The following MSI2 variants were observed in gnomAD, a reference collection of about 807,000 sequenced individuals.
MSI2 encodes the protein RNA-binding protein Musashi homolog 2.
In MSI2, 17 loss-of-function variants were observed where a neutral mutation model predicts 45.6. The observed-to-expected ratio is 0.37, with a 90% CI of 0.26 to 0.56. The LOEUF (loss-of-function observed/expected upper bound fraction) is 0.56, where lower values mean the gene tolerates loss of function less well. MSI2 is among the 20% of genes least tolerant of loss of function. MSI2 has a pLI of 0.77. For missense variants in MSI2, 293 were observed against 444.2 expected (o/e 0.66, Z 3.06); for synonymous variants, 156 against 158.2 (o/e 0.99, Z 0.11).
At chr17:57,625,089 C>T (rs1908674556) in intron 9 of MSI2, among the ~76,000 whole-genome samples, 1 of 152,112 alleles carries the variant, frequency 6.6e-6, no homozygotes, top group African/African-American at 2.4e-5. Context: ...GTTAAGGGCA[C>T]ATTCATGAGG....
chr17:57,386,366 G>A (rs555910714), intron 5 of MSI2, among the ~76,000 whole-genome samples: 13 of 152,246 alleles, frequency 8.5e-5, no homozygotes, highest in African/African-American at 2.9e-4. Context: ...AGTGAGGAGT[G>A]TTTGGGATTA....
intron 6 of MSI2, among the ~76,000 whole-genome samples, chr17:57,487,680 A>G (rs1467728956): frequency 6.6e-6 from 1 of 151,674 alleles, no homozygotes; most frequent in Non-Finnish European, 1.5e-5. Context: ...TGCACTCTCC[A>G]TGCCTCTGCC....
At position 57,495,548 on chromosome 17, in the gene MSI2, A is replaced by AG. The variant is rs1555613512; in HGVS notation, c.406-34128_406-34127insG. ...ACTCTGTCTCAAAAAAAAAAAAAAA[A>AG]AAAAGAAAGCTTTACTTGGCTTCTC... On this transcript the variant is annotated intron_variant, in intron 6 of 13. Transcript: ENST00000284073. Among the ~76,000 whole-genome samples the AG allele has an allele frequency of 3.3e-3, 481 of 145,372 alleles. 11 individuals are homozygous for AG. The highest frequency in any genetic ancestry group is 0.012 in the African/African-American group (451 of 36,990).
At chr17:57,694,835 A>C in the MSI2 span, among the ~76,000 whole-genome samples, 1 of 152,120 alleles carries the variant, frequency 6.6e-6, no homozygotes, top group African/African-American at 2.4e-5. Flanking sequence ...TGGTTGCTTA[A>C]CTCACCCCTG....
chr17:57,408,403 A>C (rs2084124355), intron 6 of MSI2, among the ~76,000 whole-genome samples: 1 of 152,258 alleles, frequency 6.6e-6, no homozygotes, highest in African/African-American at 2.4e-5. Flanking sequence ...ATCAAATGCC[A>C]TGTGCATTTG....
rs980602476 is a variant in MSI2 at position 57,315,321 on chromosome 17, A to G, written c.312+53129A>G. ...CACAGGCCCAGCTGATTTGCCTGTC[A>G]TTGGGGGTGAGGGCTCTGATTTGAG... is the stretch of plus-strand genomic sequence containing the variant. On this transcript the variant is annotated intron_variant, in intron 5 of 13. Transcript: ENST00000284073. Among the ~76,000 whole-genome samples, 3 of 151,692 alleles carry G rather than the reference A, an allele frequency of 2.0e-5. No individual in the cohort carries two copies. The South Asian group carries it at 6.3e-4, about 32-fold the overall frequency.
intron 7 of MSI2, among the ~76,000 whole-genome samples, chr17:57,536,021 T>C (rs2086912595): frequency 6.6e-6 from 1 of 152,160 alleles, no homozygotes; most frequent in South Asian, 2.1e-4. Context: ...CCAGATTGAC[T>C]CTTTTATGTA....
intron 5 of MSI2, among the ~76,000 whole-genome samples, chr17:57,291,901 T>TC (rs1442136757): frequency 2.6e-5 from 4 of 151,902 alleles, no homozygotes; most frequent in Admixed American, 6.5e-5. Flanking sequence ...AGCCTCATTC[T>TC]CCCCCGCCAT....
chr17:57,307,644 C>A (rs1432283516), intron 5 of MSI2, among the ~76,000 whole-genome samples: 2 of 152,138 alleles, frequency 1.3e-5, no homozygotes, highest in African/African-American at 4.8e-5. Context: ...AGGTTGGTCT[C>A]GAACTCCTGA....
At chr17:57,548,815 T>C (rs138030811) in intron 7 of MSI2, among the ~76,000 whole-genome samples, 10 of 152,200 alleles carry the variant, frequency 6.6e-5, no homozygotes, top group Non-Finnish European at 7.4e-5. Context: ...AGAAGTGCTT[T>C]TTAATGAGCA....
Position 57,583,613 on chromosome 17 carries a change from A to G in MSI2, c.455-13255A>G, listed in dbSNP as rs140618962. The stretch of plus-strand genomic sequence containing the variant: ...TTCCCAAGTAGCTGAGACCACAGGC[A>G]CGTGCCACGACGTCAGGCTAATTTA... On this transcript the variant is annotated intron_variant, in intron 7 of 13. Transcript: ENST00000284073. 1.3e-4 allele frequency among the ~76,000 whole-genome samples: 20 copies of G among 151,368 alleles called. No homozygotes were observed. The East Asian group carries it at 3.9e-3, about 30-fold the overall frequency.
chr17:57,580,979 C>T (rs954099251), intron 7 of MSI2, among the ~76,000 whole-genome samples: 2 of 149,498 alleles, frequency 1.3e-5, no homozygotes, highest in Admixed American at 6.7e-5. Context: ...ATTTAATCCC[C>T]ATGCCAGCCC....
intron 6 of MSI2, among the ~76,000 whole-genome samples, chr17:57,442,236 C>T (rs143174826): frequency 0.017 from 2,531 of 152,248 alleles, 39 homozygotes; most frequent in Non-Finnish European, 0.02. Flanking sequence ...GGGGTTTCAC[C>T]GTGTTGGCCA....
chr17:57,302,259 C>G (rs547280111), intron 5 of MSI2, among the ~76,000 whole-genome samples: 24 of 152,212 alleles, frequency 1.6e-4, no homozygotes, highest in African/African-American at 5.8e-4. Flanking sequence ...TCATTTCTTC[C>G]AGCGATTTTG....
rs2084669709 is a variant in MSI2, at chr17:57,435,194, G to A, written c.405+33723G>A. ...GTAAGGCAAGTCTCTCTCAGAAGCT[G>A]GTTTTGAAGCTAAGCCCTGAATGAA... On this transcript the variant is annotated intron_variant, in intron 6 of 13. Transcript: ENST00000284073. Among the ~76,000 whole-genome samples, 2 of 152,144 alleles carry A rather than the reference G, an allele frequency of 1.3e-5. 1 individual carries two copies. The highest frequency in any genetic ancestry group is 4.1e-4 in the South Asian group (2 of 4,822).
chr17:57,356,261 C>A (rs1916407821), intron 5 of MSI2, among the ~76,000 whole-genome samples: 1 of 152,202 alleles, frequency 6.6e-6, no homozygotes, highest in African/African-American at 2.4e-5. Context: ...CATACCAGAT[C>A]TCCCCTCTTT....
chr17:57,563,746 G>T (rs867691927), intron 7 of MSI2, among the ~76,000 whole-genome samples: 1 of 139,294 alleles, frequency 7.2e-6, no homozygotes, highest in Non-Finnish European at 1.6e-5. Context: ...ACACAGGCGC[G>T]CACACACACA....
intron 5 of MSI2, among the ~76,000 whole-genome samples, chr17:57,395,902 C>T (rs1467479802): frequency 6.6e-6 from 1 of 152,180 alleles, no homozygotes; most frequent in African/African-American, 2.4e-5. Context: ...GCATGCGAGT[C>T]ATCTCATTGA....
intron 6 of MSI2, among the ~76,000 whole-genome samples, chr17:57,509,676 C>T (rs914384177): frequency 1.3e-5 from 2 of 152,184 alleles, no homozygotes; most frequent in African/African-American, 2.4e-5. Flanking sequence ...CCACCTCGGC[C>T]TCCCAAAGTG....
Sources: gnomAD v4.1 joint callset for allele counts (sites outside exome capture counted in the v4.1 genomes callset) on GRCh38, gnomAD v4.1.1 for gene constraint, MANE v1.5 for transcripts, NCBI Gene and HGNC (gene_info 2026-07-23, HGNC 2026-07-21) for gene names.